TLL1: variants seen among roughly 807,000 people sequenced by gnomAD.
TLL1 encodes tolloid like 1, also known as tolloid-like protein 1.
In TLL1, 49 loss-of-function variants were observed where a neutral mutation model predicts 128.2. The observed-to-expected ratio is 0.38, with a 90% CI of 0.30 to 0.48. The LOEUF is 0.48. TLL1 is among the 20% of genes least tolerant of loss of function. The pLI is 0.96. For missense variants in TLL1, 1,123 were observed against 1,242.0 expected (o/e 0.90, Z 1.44); for synonymous variants, 454 against 418.8 (o/e 1.08, Z -1.03).
chr4:165,994,299 T>G, intron 3 of TLL1, 82 bp from the exon 4 acceptor site: 1 of 1,545,260 alleles, frequency 6.5e-7, no homozygotes, highest in Admixed American at 1.7e-5. Context: ...AAATAAGACA[T>G]TTTAACTTTT....
intron 8 of TLL1, among the ~76,000 whole-genome samples, chr4:166,019,985 T>C (rs1738142898): frequency 6.6e-6 from 1 of 152,204 alleles, no homozygotes; most frequent in African/African-American, 2.4e-5. Flanking sequence ...ATATGTTTCC[T>C]TCAGTTTGCA....
At chr4:166,000,100 G>A (rs530933931) in intron 5 of TLL1, among the ~76,000 whole-genome samples, 9 of 152,226 alleles carry the variant, frequency 5.9e-5, no homozygotes, top group East Asian at 1.9e-4. Context: ...GTTTTTGCTC[G>A]ATGCTACAGG....
intron 1 of TLL1, among the ~76,000 whole-genome samples, chr4:165,941,572 C>T (rs1734008851): frequency 6.6e-6 from 1 of 152,028 alleles, no homozygotes; most frequent in South Asian, 2.1e-4. Context: ...AGTAATTGAT[C>T]TAATTTGGCA....
intron 1 of TLL1, among the ~76,000 whole-genome samples, chr4:165,985,523 T>C (rs1358923299): frequency 1.3e-5 from 2 of 152,028 alleles, no homozygotes; most frequent in Non-Finnish European, 2.9e-5. Context: ...ATGGTGTTTG[T>C]GTTTATAAAT....
chr4:166,061,287 C>T (rs934045963), intron 15 of TLL1, among the ~76,000 whole-genome samples: 7 of 150,344 alleles, frequency 4.7e-5, no homozygotes, highest in African/African-American at 1.7e-4. Context: ...GCTCTGTTGC[C>T]CAGGCTGGAG....
chr4:165,973,357 C>G (rs1027071544), intron 1 of TLL1, among the ~76,000 whole-genome samples: 3 of 151,726 alleles, frequency 2.0e-5, no homozygotes, highest in African/African-American at 7.3e-5. Context: ...GGGATAGCAC[C>G]ATCCCAGGAT....
chr4:165,945,282 G>T (rs928353379), intron 1 of TLL1, among the ~76,000 whole-genome samples: 1 of 151,596 alleles, frequency 6.6e-6, no homozygotes, highest in Non-Finnish European at 1.5e-5. Flanking sequence ...AGGATCTAAC[G>T]GCAGCATATC....
At chr4:165,894,911 A>G (rs77294433) in intron 1 of TLL1, among the ~76,000 whole-genome samples, 3,162 of 151,618 alleles carry the variant, frequency 0.021, 100 homozygotes, top group African/African-American at 0.071. Context: ...TAAATGTAAA[A>G]TGTGGTTTAT....
chr4:165,907,522 C>T (rs368205642), intron 1 of TLL1, among the ~76,000 whole-genome samples: 38 of 150,890 alleles, frequency 2.5e-4, no homozygotes, highest in Non-Finnish European at 3.2e-4. Context: ...TTTAATAAAA[C>T]GTAGAGTAAG....
chr4:166,010,497 G>C (rs1331002950), intron 7 of TLL1, among the ~76,000 whole-genome samples: 2 of 150,574 alleles, frequency 1.3e-5, no homozygotes, highest in Non-Finnish European at 3.0e-5. Flanking sequence ...TTTTGTTGTT[G>C]AGTAGTAGAA....
intron 19 of TLL1, among the ~76,000 whole-genome samples, chr4:166,093,173 C>A (rs1026141939): frequency 1.3e-5 from 2 of 152,028 alleles, no homozygotes; most frequent in African/African-American, 2.4e-5. Flanking sequence ...TAATAGTGGG[C>A]CCAGGAGACC....
intron 1 of TLL1, among the ~76,000 whole-genome samples, chr4:165,908,506 C>T (rs1216139672): frequency 6.7e-6 from 1 of 150,242 alleles, no homozygotes; most frequent in African/African-American, 2.5e-5. Flanking sequence ...TCACCTGAGC[C>T]TGGAAGTGAA....
Position 166,101,240 on chromosome 4 carries a change from G to A in TLL1, c.*364G>A. On this transcript the variant is annotated 3_prime_UTR_variant, in exon 21 of 21. Coordinates refer to ENST00000061240, the MANE Select transcript of TLL1 (RefSeq NM_012464.5). ...TTTTTGACAATTTGTCAAGATTTAG[G>A]GACATAAAATGATCTTGCAGGTCGT... is the stretch of plus-strand genomic sequence containing the variant. 7.0e-6 allele frequency: 2 copies of A among 284,228 alleles called. No homozygotes were observed. Among genetic ancestry groups the A allele is most frequent in the Non-Finnish European group, 6.8e-6 (1 of 148,084 alleles). The allele number at this position is 284,228 out of a possible 1,614,324, so 17.6% of individuals were successfully genotyped here. A position where few individuals can be genotyped will look rare whatever the true frequency, so the allele number is the denominator to read the frequency against.
intron 1 of TLL1, among the ~76,000 whole-genome samples, chr4:165,907,053 T>C (rs1732292444): frequency 6.6e-6 from 1 of 152,210 alleles, no homozygotes; most frequent in Non-Finnish European, 1.5e-5. Flanking sequence ...GACAGCTTGC[T>C]TATTTTTCTT....
At chr4:165,893,376 G>C (rs1731507458) in intron 1 of TLL1, among the ~76,000 whole-genome samples, 1 of 152,180 alleles carries the variant, frequency 6.6e-6, no homozygotes, top group Non-Finnish European at 1.5e-5. Flanking sequence ...TGAGTCCTGT[G>C]AGTGCCTCAG....
In TLL1 at chr4:166,003,453, G is replaced by C. The variant is rs1226194879; in HGVS notation, c.695G>C (p.Cys232Ser). The change falls in exon 6 of 21, where the codon TGT becomes TCT. Residue 232 changes from cysteine to serine, a missense_variant. By Grantham distance (112) the Cys-to-Ser change is moderately radical. Around this residue, in one of 3 missense-constraint regions of TLL1, gnomAD observed 480 missense variants for 542.4 expected, o/e 0.89. Coordinates refer to ENST00000061240, the MANE Select transcript of TLL1 (RefSeq NM_012464.5). ...CAGGCAATCTCTATCGGCAAGAACTGTGATAAATTTGGGATTGTTGTTCAT... is the reference window on the plus strand; with the variant it reads ...CAGGCAATCTCTATCGGCAAGAACTCTGATAAATTTGGGATTGTTGTTCAT... ...GPQAISIGKN[C>S]DKFGIVVHEL... The C allele has an allele frequency of 6.2e-7, 1 of 1,614,002 alleles. No individual in the cohort carries two copies. Among genetic ancestry groups the C allele is most frequent in the Non-Finnish European group, 8.5e-7 (1 of 1,179,944 alleles).
chr4:166,016,929 C>A (rs577332665), intron 8 of TLL1, among the ~76,000 whole-genome samples: 15 of 151,828 alleles, frequency 9.9e-5, no homozygotes, highest in African/African-American at 3.6e-4. Flanking sequence ...TCTATCTTGG[C>A]CTTTTTTTAA....
chr4:166,034,494 C>T (rs1178054070), intron 9 of TLL1, among the ~76,000 whole-genome samples: 1 of 152,052 alleles, frequency 6.6e-6, no homozygotes, highest in East Asian at 1.9e-4. Flanking sequence ...TCATTGATTC[C>T]AAAACCTTGA....
At chr4:165,930,868 A>G (rs1733482638) in intron 1 of TLL1, among the ~76,000 whole-genome samples, 1 of 152,240 alleles carries the variant, frequency 6.6e-6, no homozygotes, top group Admixed American at 6.5e-5. Flanking sequence ...AGAAAAAAAC[A>G]TATGCATATA....
Sources: gnomAD v4.1 joint callset for allele counts (sites outside exome capture counted in the v4.1 genomes callset) on GRCh38, gnomAD v4.1.1 for gene constraint, gnomAD v4.1.1 regional missense constraint, MANE v1.5 for transcripts, NCBI Gene and HGNC (gene_info 2026-07-23, HGNC 2026-07-21) for gene names.